The following DPH6 variants were observed in gnomAD, a reference collection of about 807,000 sequenced individuals.
DPH6 encodes the protein diphthine--ammonia ligase.
Under a neutral mutation model 38.2 loss-of-function variants are expected in DPH6, and 33 were observed. That is an observed-to-expected ratio of 0.86 (90% CI 0.65 to 1.15). The LOEUF is 1.15. Among genes scored for constraint, DPH6 ranks in the 50% most tolerant of loss-of-function variants. The pLI, the probability that DPH6 is intolerant of heterozygous loss-of-function variation, is 0.00. For synonymous variants in DPH6, 108 were observed against 103.0 expected, an observed-to-expected ratio of 1.05 and a Z score of -0.30; for missense variants, 325 against 320.0, an observed-to-expected ratio of 1.02 and a Z score of -0.12.
At chr15:35,257,846 G>A (rs529575993) in intron 3 of DPH6, among the ~76,000 whole-genome samples, 1 of 151,262 alleles carries the variant, frequency 6.6e-6, no homozygotes, top group African/African-American at 2.4e-5. Flanking sequence ...TAATTAGCAG[G>A]AAAACTTTAC....
At chr15:35,484,859 C>T (rs950884891) in intron 3 of DPH6, among the ~76,000 whole-genome samples, 3 of 152,042 alleles carry the variant, frequency 2.0e-5, no homozygotes, top group African/African-American at 7.2e-5. Flanking sequence ...ATATTTGAAA[C>T]CTTTCATAAT....
chr15:35,345,171 T>C (rs1186241130), intron 3 of DPH6, among the ~76,000 whole-genome samples: 1 of 151,852 alleles, frequency 6.6e-6, no homozygotes, highest in East Asian at 1.9e-4. Flanking sequence ...GGCAGCCTCA[T>C]TCACTTTCTA....
chr15:35,452,637 CAG>C (rs1480073625), intron 4 of DPH6, among the ~76,000 whole-genome samples: 1 of 152,122 alleles, frequency 6.6e-6, no homozygotes, highest in African/African-American at 2.4e-5. Flanking sequence ...TTCCTCATTG[CAG>C]AGATTGTTGC....
intron 3 of DPH6, among the ~76,000 whole-genome samples, chr15:35,264,297 C>G (rs371499228): frequency 3.7e-4 from 56 of 152,030 alleles, no homozygotes; most frequent in African/African-American, 1.3e-3. Flanking sequence ...ATTTATTTCA[C>G]CTAAATTTTT....
chr15:35,335,106 G>T (rs2052358915), intron 3 of DPH6, among the ~76,000 whole-genome samples: 1 of 152,166 alleles, frequency 6.6e-6, no homozygotes, highest in Non-Finnish European at 1.5e-5. Context: ...TGAATGGCAT[G>T]AGATGGTATT....
chr15:35,427,820 G>A (rs1444884240), intron 5 of DPH6, among the ~76,000 whole-genome samples: 1 of 151,882 alleles, frequency 6.6e-6, no homozygotes, highest in Non-Finnish European at 1.5e-5. Context: ...GTCATTAACT[G>A]TAAAACTTGC....
At chr15:35,426,003 A>C (rs1566905355) in intron 5 of DPH6, among the ~76,000 whole-genome samples, 1 of 151,260 alleles carries the variant, frequency 6.6e-6, no homozygotes, top group Non-Finnish European at 1.5e-5. Flanking sequence ...CCCCTTTATA[A>C]ACTGAGCAAA....
At chr15:35,353,106 G>A (rs1179321568) in intron 3 of DPH6, among the ~76,000 whole-genome samples, 4 of 152,092 alleles carry the variant, frequency 2.6e-5, no homozygotes, top group Admixed American at 1.3e-4. Flanking sequence ...CATGTCCTTC[G>A]CCCACTTTTT....
At chr15:35,459,848 T>C (rs775175249) in intron 3 of DPH6, among the ~76,000 whole-genome samples, 3 of 152,194 alleles carry the variant, frequency 2.0e-5, no homozygotes, top group Non-Finnish European at 2.9e-5. Context: ...CATTACCAAG[T>C]ACCCAGTATG....
intron 3 of DPH6, among the ~76,000 whole-genome samples, chr15:35,511,337 C>A (rs112310911): frequency 6.6e-6 from 1 of 152,054 alleles, no homozygotes; most frequent in African/African-American, 2.4e-5. Flanking sequence ...TTAACTTAAG[C>A]GTTTAAATTG....
At chr15:35,333,259 A>G (rs2052341524) in intron 3 of DPH6, among the ~76,000 whole-genome samples, 1 of 152,202 alleles carries the variant, frequency 6.6e-6, no homozygotes, top group South Asian at 2.1e-4. Context: ...CACGTAAAAT[A>G]ACAGAAGTCA....
chr15:35,153,551 C>T, the DPH6 span, among the ~76,000 whole-genome samples: 1 of 152,120 alleles, frequency 6.6e-6, no homozygotes, highest in African/African-American at 2.4e-5. Flanking sequence ...TTAGGCCATC[C>T]TTCTAAGAAG....
chr15:35,278,656 C>T (rs908191051), intron 3 of DPH6, among the ~76,000 whole-genome samples: 4 of 152,174 alleles, frequency 2.6e-5, no homozygotes, highest in Non-Finnish European at 4.4e-5. Flanking sequence ...GGACTCTAAC[C>T]CATCAGAGCA....
intron 3 of DPH6, among the ~76,000 whole-genome samples, chr15:35,239,797 AC>A (rs1314820935): frequency 6.4e-5 from 9 of 140,246 alleles, no homozygotes; most frequent in Admixed American, 3.1e-4. Context: ...GGGGGCAAGA[AC>A]CCCCCAATCG....
intron 3 of DPH6, among the ~76,000 whole-genome samples, chr15:35,472,855 A>G (rs1187739829): frequency 1.3e-5 from 2 of 151,852 alleles, no homozygotes; most frequent in Non-Finnish European, 2.9e-5. Flanking sequence ...ATGGAGCTTA[A>G]CACCTAGCAA....
intron 3 of DPH6, among the ~76,000 whole-genome samples, chr15:35,505,572 A>C (rs1016838645): frequency 1.3e-5 from 2 of 152,028 alleles, no homozygotes; most frequent in Non-Finnish European, 2.9e-5. Flanking sequence ...TAATAATATG[A>C]GTGGCCTTGA....
At chr15:35,366,145 A>C (rs1328656665), downstream of DPH6, among the ~76,000 whole-genome samples, 1 of 151,852 alleles carries the variant, frequency 6.6e-6, no homozygotes, top group African/African-American at 2.4e-5. Flanking sequence ...CCTTGAGTTT[A>C]TACACGTTGC....
intron 5 of DPH6, among the ~76,000 whole-genome samples, chr15:35,432,385 A>T (rs2141035336): frequency 6.6e-6 from 1 of 152,246 alleles, no homozygotes; most frequent in East Asian, 1.9e-4. Context: ...TTTTAGATTC[A>T]CATCTGTAAT....
At chr15:35,277,253 T>G (rs2051865451) in intron 3 of DPH6, among the ~76,000 whole-genome samples, 1 of 152,220 alleles carries the variant, frequency 6.6e-6, no homozygotes, top group Non-Finnish European at 1.5e-5. Flanking sequence ...GGGGAGGTAC[T>G]GAATTGTGTA....
Sources: gnomAD v4.1 joint callset for allele counts (sites outside exome capture counted in the v4.1 genomes callset) on GRCh38, gnomAD v4.1.1 for gene constraint, MANE v1.5 for transcripts, NCBI Gene and HGNC (gene_info 2026-07-23, HGNC 2026-07-21) for gene names.